Variants in HSPB6 observed in about 807,000 individuals in gnomAD.
HSPB6 encodes the protein heat shock protein family B (small) member 6, also known as heat shock protein beta-6.
A neutral mutation model predicts 10.7 loss-of-function variants in HSPB6; 8 were observed. The ratio of observed to expected loss-of-function variants is 0.75; its 90% CI spans 0.44 to 1.35. HSPB6 has a LOEUF of 1.35. HSPB6 is among the 40% of genes most tolerant of loss of function. HSPB6 has a pLI of 0.00. For missense variants in HSPB6, 232 were observed against 236.0 expected (o/e 0.98, Z 0.11); for synonymous variants, 128 against 114.2 (o/e 1.12, Z -0.77).
At position 35,755,144 on chromosome 19, in the gene HSPB6, A is replaced by C; in HGVS notation, c.*378T>G. 2.8e-6 allele frequency: 1 copy of C among 362,632 alleles called. No individual in the cohort carries two copies. Among genetic ancestry groups the C allele is most frequent in the East Asian group, 7.8e-5 (1 of 12,752 alleles). 22.5% of individuals were successfully genotyped at this position (362,632 alleles called of 1,614,324 possible). A position where few individuals can be genotyped will look rare whatever the true frequency, so the allele number is the denominator to read the frequency against. ...GGTGTCAAAATAGGGAAGGGATGGA[A>C]ATGTAGTACCCGGATGTCTTTGTAG... On this transcript the variant is annotated 3_prime_UTR_variant, in exon 3 of 3. Coordinates refer to ENST00000004982, the MANE Select transcript of HSPB6 (RefSeq NM_144617.3).
Position 35,755,689 on chromosome 19 carries a change from G to C in HSPB6, c.322-6C>G. The C allele has an allele frequency of 6.5e-7, 1 of 1,532,668 alleles. No individual in the cohort carries two copies. Among genetic ancestry groups the C allele is most frequent in the Admixed American group, 2.0e-5 (1 of 50,060 alleles). The allele number at this position is 1,532,668 out of a possible 1,614,324, so 94.9% of individuals were successfully genotyped here. A position where few individuals can be genotyped will look rare whatever the true frequency, so the allele number is the denominator to read the frequency against. On this transcript the variant is annotated splice_region_variant and splice_polypyrimidine_tract_variant and intron_variant, in intron 2 of 2. Coordinates refer to ENST00000004982, the MANE Select transcript of HSPB6 (RefSeq NM_144617.3). ...GCGACGAATCCGTGCTCATCCTGGA[G>C]GGGAGGGAGGCTTGAGCGGCCCCGC...
At chr19:35,756,275 C>T (rs553599551) in intron 1 of HSPB6, among the ~76,000 whole-genome samples, 2 of 152,262 alleles carry the variant, frequency 1.3e-5, no homozygotes, top group South Asian at 2.1e-4. Flanking sequence ...CCAAGATGCC[C>T]CTTTCCCCGT....
chr19:35,755,440 A>G lies in HSPB6; in HGVS notation c.*82T>C. The stretch of plus-strand genomic sequence containing the variant: ...GGACAGTCCTTGGCGCACTCGGGAC[A>G]TCTGGCTGGGCGGAGTCAGATCGGC... On this transcript the variant is annotated 3_prime_UTR_variant, in exon 3 of 3. Coordinates refer to ENST00000004982, the MANE Select transcript of HSPB6 (RefSeq NM_144617.3). 1 of 1,406,578 alleles carries G rather than the reference A, an allele frequency of 7.1e-7. No individual in the cohort carries two copies. The highest frequency in any genetic ancestry group is 9.7e-7 in the Non-Finnish European group (1 of 1,031,324). The allele number at this position is 1,406,578 out of a possible 1,614,324, so 87.1% of individuals were successfully genotyped here.
chr19:35,755,726 G>A, intron 2 of HSPB6, 43 bp from the exon 3 acceptor site: 1 of 1,527,268 alleles, frequency 6.5e-7, no homozygotes, highest in Non-Finnish European at 8.8e-7. Flanking sequence ...CCTCCGGCCC[G>A]GCGGCGAGCG....
Position 35,755,856 on chromosome 19 carries a change from G to A in HSPB6, c.237C>T (p.Asp79=). ...TTTCCTCCGGCGAGAAGTGCTTCACGTCTAGCAGCACCGAAAAGTGGCCGG... is the reference window on the plus strand; with the variant it reads ...TTTCCTCCGGCGAGAAGTGCTTCACATCTAGCAGCACCGAAAAGTGGCCGG... The part of the protein sequence containing the change: ...TDPGHFSVLL[D]VKHFSPEEIA... The change falls in exon 2 of 3, where the codon GAC becomes GAT. Residue 79 remains aspartate (D), a synonymous_variant. Coordinates refer to ENST00000004982, the MANE Select transcript of HSPB6 (RefSeq NM_144617.3). 2 of 1,588,210 alleles carry A rather than the reference G, an allele frequency of 1.3e-6. No individual in the cohort carries two copies. Among genetic ancestry groups the A allele is most frequent in the Non-Finnish European group, 1.7e-6 (2 of 1,168,538 alleles).
chr19:35,754,575 C>T lies in HSPB6; in HGVS notation c.*947G>A, dbSNP rs1039390373. ...CCCAGGCACAAAGCAGTTGGCAGAG[C>T]TCTAGCACATTTATTGGGAGAGTAA... On this transcript the variant is annotated 3_prime_UTR_variant, in exon 3 of 3. Coordinates refer to ENST00000004982, the MANE Select transcript of HSPB6 (RefSeq NM_144617.3). 34 of 1,052,924 alleles carry T rather than the reference C, an allele frequency of 3.2e-5. No individual in the cohort carries two copies. The highest frequency in any genetic ancestry group is 4.8e-5 in the Non-Finnish European group (33 of 688,462). 65.2% of individuals were successfully genotyped at this position (1,052,924 alleles called of 1,614,324 possible). A position where few individuals can be genotyped will look rare whatever the true frequency, so the allele number is the denominator to read the frequency against.
chr19:35,755,408 G>T lies in HSPB6; in HGVS notation c.*114C>A. On this transcript the variant is annotated 3_prime_UTR_variant, in exon 3 of 3. Transcript: ENST00000004982. ...GAGGTCAGGGCAGAATCCAGGAGTG[G>T]GTGAGAGGACAGTCCTTGGCGCACT... is the stretch of plus-strand genomic sequence containing the variant. The T allele has an allele frequency of 9.3e-7, 1 of 1,073,460 alleles. No homozygotes were observed. Among genetic ancestry groups the T allele is most frequent in the Non-Finnish European group, 1.4e-6 (1 of 727,156 alleles). 66.5% of individuals were successfully genotyped at this position (1,073,460 alleles called of 1,614,324 possible).
chr19:35,756,810 C>A lies in HSPB6; in HGVS notation c.198+1G>T, dbSNP rs1379447785. ...AGTTCACCCCTCCCCAGGCCTGGCACCTGGGCGACGGGCAGCGCCACGCTG... is the reference window on the plus strand; with the variant it reads ...AGTTCACCCCTCCCCAGGCCTGGCAACTGGGCGACGGGCAGCGCCACGCTG... On this transcript the variant is annotated splice_donor_variant, in intron 1 of 2. Transcript: ENST00000004982. LOFTEE classifies it high-confidence loss of function. The A allele has an allele frequency of 6.5e-7, 1 of 1,535,618 alleles. No homozygotes were observed. Among genetic ancestry groups the A allele is most frequent in the East Asian group, 2.4e-5 (1 of 40,904 alleles).
Position 35,755,768 on chromosome 19 carries a change from T to G in HSPB6, c.321+4A>C. ...CTCCAGCCCCGCCCCACGCCGCGGCTCACCGGGCGCTCCTCGTGGCGCGCG... is the reference window on the plus strand; with the variant it reads ...CTCCAGCCCCGCCCCACGCCGCGGCGCACCGGGCGCTCCTCGTGGCGCGCG... On this transcript the variant is annotated splice_donor_region_variant and intron_variant, in intron 2 of 2. Coordinates refer to ENST00000004982, the MANE Select transcript of HSPB6 (RefSeq NM_144617.3). 6.3e-7 allele frequency: 1 copy of G among 1,576,816 alleles called. No homozygotes were observed. The highest frequency in any genetic ancestry group is 8.6e-7 in the Non-Finnish European group (1 of 1,163,254).
intron 1 of HSPB6, 69 bp from the exon 2 acceptor site, chr19:35,755,963 C>T: frequency 2.6e-6 from 4 of 1,514,218 alleles, no homozygotes; most frequent in Non-Finnish European, 3.5e-6. Context: ...CCCAGGGAGA[C>T]CCCACCCCCG....
chr19:35,755,976 G>C, intron 1 of HSPB6, 82 bp from the exon 2 acceptor site: 1 of 1,495,850 alleles, frequency 6.7e-7, no homozygotes, highest in Admixed American at 2.2e-5. Flanking sequence ...CACCCCCGTC[G>C]GTTCCGTGCC....
At position 35,754,762 on chromosome 19, in the gene HSPB6, A is replaced by C; in HGVS notation, c.*760T>G. 2.6e-6 allele frequency: 1 copy of C among 389,626 alleles called. No homozygotes were observed. The highest frequency in any genetic ancestry group is 4.7e-6 in the Non-Finnish European group (1 of 213,696). The allele number at this position is 389,626 out of a possible 1,614,324, so 24.1% of individuals were successfully genotyped here. On this transcript the variant is annotated 3_prime_UTR_variant, in exon 3 of 3. Transcript: ENST00000004982. ...GGTCAAGACAAAGGGACTTAGGGGG[A>C]TGGGGTCTGGTTAGAGTTGGGGAGG...
intron 1 of HSPB6, among the ~76,000 whole-genome samples, chr19:35,756,504 C>T (rs1970759116): frequency 6.6e-6 from 1 of 152,152 alleles, no homozygotes; most frequent in East Asian, 1.9e-4. Flanking sequence ...GCCTCCTTTT[C>T]CCCAGATTTC....
intron 1 of HSPB6, 54 bp downstream of exon 1, chr19:35,756,757 C>T: frequency 6.6e-7 from 1 of 1,515,594 alleles, no homozygotes; most frequent in Non-Finnish European, 8.8e-7. Flanking sequence ...CCCAGGCTGC[C>T]CCAGACCCCT....
rs1040512313 is a variant in HSPB6 at position 35,755,531 on chromosome 19, T to C, written c.474A>G (p.Ala158=). 17 of 1,462,426 alleles carry C rather than the reference T, an allele frequency of 1.2e-5. No homozygotes were observed. Among genetic ancestry groups the C allele is most frequent in the Non-Finnish European group, 1.5e-5 (17 of 1,105,868 alleles). The allele number at this position is 1,462,426 out of a possible 1,614,324, so 90.6% of individuals were successfully genotyped here. A position where few individuals can be genotyped will look rare whatever the true frequency, so the allele number is the denominator to read the frequency against. The change falls in exon 3 of 3, where the codon GCA becomes GCG. Residue 158 remains alanine (A), a synonymous_variant. Transcript: ENST00000004982. The stretch of plus-strand genomic sequence containing the variant: ...GCGGCCCAGCCCCCTCCTACTTGGC[T>C]GCGGCTGGCGGTGGGGCCTGGGCCG... ...PASAQAPPPA[A]AK is the part of the protein sequence containing the mutation.
At position 35,755,301 on chromosome 19, in the gene HSPB6, T is replaced by C. The variant is rs1970738516; in HGVS notation, c.*221A>G. The C allele has an allele frequency of 3.0e-6, 2 of 674,066 alleles. No individual in the cohort carries two copies. Among genetic ancestry groups the C allele is most frequent in the Admixed American group, 4.5e-5 (2 of 44,234 alleles). 41.8% of individuals were successfully genotyped at this position (674,066 alleles called of 1,614,324 possible). On this transcript the variant is annotated 3_prime_UTR_variant, in exon 3 of 3. Transcript: ENST00000004982. The stretch of plus-strand genomic sequence containing the variant: ...GGTCTGGAAGCCGGGGAGTTGTCGG[T>C]GTGGGGTCGGAAAGCTGGAGGGGGT...
Position 35,754,714 on chromosome 19 carries a change from G to T in HSPB6, c.*808C>A. The T allele has an allele frequency of 5.2e-6, 3 of 580,888 alleles. No individual in the cohort carries two copies. The highest frequency in any genetic ancestry group is 6.2e-6 in the Non-Finnish European group (2 of 324,110). 36.0% of individuals were successfully genotyped at this position (580,888 alleles called of 1,614,324 possible). ...AGGAGGGTGGGAGGTGGGTTGCCGA[G>T]GATATCTGGTTGAAGACTTGGGGGT... On this transcript the variant is annotated 3_prime_UTR_variant, in exon 3 of 3. Coordinates refer to ENST00000004982, the MANE Select transcript of HSPB6 (RefSeq NM_144617.3).
intron 1 of HSPB6, 139 bp from the exon 2 acceptor site, chr19:35,756,033 G>C (rs1970749442): frequency 2.4e-6 from 3 of 1,253,252 alleles, no homozygotes; most frequent in South Asian, 3.0e-5. Flanking sequence ...TCTCCTACTG[G>C]GAGTCACCCA....
rs1970739617 is a variant in HSPB6 at position 35,755,408 on chromosome 19, G to A, written c.*114C>T. On this transcript the variant is annotated 3_prime_UTR_variant, in exon 3 of 3. Transcript: ENST00000004982. ...GAGGTCAGGGCAGAATCCAGGAGTG[G>A]GTGAGAGGACAGTCCTTGGCGCACT... is the stretch of plus-strand genomic sequence containing the variant. 9.3e-7 allele frequency: 1 copy of A among 1,073,342 alleles called. No homozygotes were observed. The highest frequency in any genetic ancestry group is 1.4e-6 in the Non-Finnish European group (1 of 727,164). 66.5% of individuals were successfully genotyped at this position (1,073,342 alleles called of 1,614,324 possible).
Sources: allele counts gnomAD v4.1 joint callset (sites outside exome capture counted in the v4.1 genomes callset), GRCh38; gene constraint gnomAD v4.1.1; transcripts MANE v1.5; gene names NCBI Gene and HGNC (gene_info 2026-07-23, HGNC 2026-07-21).